The following SENP5 variants were observed in gnomAD, a reference collection of about 807,000 sequenced individuals.
The protein encoded by SENP5 is sentrin-specific protease 5.
SENP5 carries 21 observed loss-of-function variants against 74.2 expected under a neutral mutation model. That is an observed-to-expected ratio of 0.28 (90% CI 0.20 to 0.41). The LOEUF (loss-of-function observed/expected upper bound fraction) is 0.41, where lower values mean the gene tolerates loss of function less well. Ranked by LOEUF, SENP5 falls within the 10% of genes least tolerant of loss-of-function variation. SENP5 has a pLI of 1.00. For synonymous variants in SENP5, 311 were observed against 312.7 expected (o/e 0.99, Z 0.06); for missense variants, 717 against 889.1 (o/e 0.81, Z 2.46).
intron 1 of SENP5, among the ~76,000 whole-genome samples, chr3:196,884,664 G>GTTTTTTTT (rs199659730): frequency 1.6e-5 from 2 of 121,402 alleles, no homozygotes; most frequent in African/African-American, 3.7e-5. Flanking sequence ...ACAGAAATCA[G>GTTTTTTTT]TTTTTTTTTG....
chr3:196,926,893 C>G (rs549109146), intron 7 of SENP5, among the ~76,000 whole-genome samples: 5 of 152,240 alleles, frequency 3.3e-5, no homozygotes, highest in African/African-American at 1.2e-4. Flanking sequence ...ATCCACCTGC[C>G]TCAGCCACCC....
Position 196,934,260 on chromosome 3 carries a change from A to T in SENP5, c.*3337A>T, listed in dbSNP as rs970646630. 1 of 152,200 alleles carries T rather than the reference A, an allele frequency of 6.6e-6. No homozygotes were observed. Among genetic ancestry groups the T allele is most frequent in the African/African-American group, 2.4e-5 (1 of 41,448 alleles). The allele number at this position is 152,200 out of a possible 1,614,324, so 9.4% of individuals were successfully genotyped here. A position where few individuals can be genotyped will look rare whatever the true frequency, so the allele number is the denominator to read the frequency against. On this transcript the variant is annotated 3_prime_UTR_variant, in exon 10 of 10. Transcript: ENST00000323460. The stretch of plus-strand genomic sequence containing the variant: ...TATAGTTGGAACAGAACAGTAACAG[A>T]CCTAACTGGGACTCAGCCAGCACTA...
intron 6 of SENP5, among the ~76,000 whole-genome samples, chr3:196,921,010 G>A (rs1276125667): frequency 6.6e-6 from 1 of 152,224 alleles, no homozygotes; most frequent in East Asian, 1.9e-4. Flanking sequence ...ATTGGGGTCA[G>A]TGATACAATC....
intron 1 of SENP5, among the ~76,000 whole-genome samples, chr3:196,881,614 T>C (rs1379551605): frequency 6.6e-6 from 1 of 152,180 alleles, no homozygotes; most frequent in African/African-American, 2.4e-5. Context: ...TAGGCTTTTT[T>C]TCAGTTATCT....
At chr3:196,918,100 A>G (rs1206413274) in intron 6 of SENP5, among the ~76,000 whole-genome samples, 1 of 149,052 alleles carries the variant, frequency 6.7e-6, no homozygotes, top group Non-Finnish European at 1.5e-5. Flanking sequence ...ACGAGGTCAG[A>G]TCGAGACCAT....
chr3:196,899,388 G>A (rs1714600240), intron 2 of SENP5, among the ~76,000 whole-genome samples: 2 of 112,966 alleles, frequency 1.8e-5, no homozygotes, highest in Non-Finnish European at 4.1e-5. Flanking sequence ...TTTCCTTCTA[G>A]CTATCCATTC....
chr3:196,930,677 G>A (rs1388095966), intron 9 of SENP5, 136 bp from the exon 10 acceptor site: 8 of 634,278 alleles, frequency 1.3e-5, no homozygotes, highest in Middle Eastern at 4.1e-4. Flanking sequence ...TGCCTTACAC[G>A]TAACCAGTCC....
chr3:196,893,522 C>T (rs1388596861), intron 2 of SENP5, among the ~76,000 whole-genome samples: 1 of 151,922 alleles, frequency 6.6e-6, no homozygotes, highest in Non-Finnish European at 1.5e-5. Flanking sequence ...AATAAATGGC[C>T]ATCAGTAGGG....
intron 1 of SENP5, among the ~76,000 whole-genome samples, chr3:196,873,583 G>A (rs1466043259): frequency 6.6e-6 from 1 of 151,776 alleles, no homozygotes; most frequent in Non-Finnish European, 1.5e-5. Context: ...GCTCACGCCT[G>A]TAATCCCAGC....
chr3:196,900,879 C>T lies in SENP5; in HGVS notation c.1806+467C>T, dbSNP rs532674086. 7.1e-4 allele frequency among the ~76,000 whole-genome samples: 108 copies of T among 151,404 alleles called. 1 individual carries two copies. In the South Asian group the frequency reaches 0.012, roughly 16 times the overall value. On this transcript the variant is annotated intron_variant, in intron 5 of 9. Transcript: ENST00000323460. ...CTGGGATTACAGGTGTGAGCCACAG[C>T]GCCTGGCCCCATCAAATCACTTCAG...
At chr3:196,869,868 A>G (rs1713135586) in intron 1 of SENP5, among the ~76,000 whole-genome samples, 1 of 128,402 alleles carries the variant, frequency 7.8e-6, no homozygotes, top group African/African-American at 3.0e-5. Flanking sequence ...TTGGTAGGCC[A>G]TTATGTGAAT....
chr3:196,917,870 C>A (rs1399134013), intron 6 of SENP5, among the ~76,000 whole-genome samples: 1 of 152,094 alleles, frequency 6.6e-6, no homozygotes, highest in African/African-American at 2.4e-5. Flanking sequence ...TCCAAAGGTA[C>A]AAAACTCACT....
intron 2 of SENP5, among the ~76,000 whole-genome samples, chr3:196,898,607 T>C (rs1206665956): frequency 6.6e-6 from 1 of 151,870 alleles, no homozygotes; most frequent in Non-Finnish European, 1.5e-5. Context: ...AAAAATTCTA[T>C]TTACTGTCTT....
chr3:196,872,702 A>G (rs1713269975), intron 1 of SENP5, among the ~76,000 whole-genome samples: 1 of 152,216 alleles, frequency 6.6e-6, no homozygotes, highest in South Asian at 2.1e-4. Context: ...TAGCAGCCTA[A>G]ATCTAAATAA....
rs79425613 is a variant in SENP5 at position 196,910,873 on chromosome 3, G to A, written c.1884+7263G>A. Reference sequence around the variant, plus strand: ...CAACGTGGTATTGGTACCAAAACAGGCATATAGACCAATGGAACAGAACAG... The same window carrying A: ...CAACGTGGTATTGGTACCAAAACAGACATATAGACCAATGGAACAGAACAG... On this transcript the variant is annotated intron_variant, in intron 6 of 9. Coordinates refer to ENST00000323460, the MANE Select transcript of SENP5 (RefSeq NM_152699.5). 1.7e-3 allele frequency among the ~76,000 whole-genome samples: 256 copies of A among 152,164 alleles called. 5 individuals carry two copies. In the East Asian group the frequency reaches 0.046, roughly 27 times the overall value.
chr3:196,880,829 C>T (rs1379498911), intron 1 of SENP5, among the ~76,000 whole-genome samples: 1 of 151,856 alleles, frequency 6.6e-6, no homozygotes, highest in African/African-American at 2.4e-5. Flanking sequence ...TTAGTAGAGA[C>T]AGGGTTTCAC....
At chr3:196,918,712 A>T (rs1350967697) in intron 6 of SENP5, among the ~76,000 whole-genome samples, 4 of 152,182 alleles carry the variant, frequency 2.6e-5, no homozygotes, top group African/African-American at 9.7e-5. Context: ...CAAAAGACAC[A>T]GATTGGCTGA....
At chr3:196,919,406 T>C (rs1460253293) in intron 6 of SENP5, among the ~76,000 whole-genome samples, 1 of 152,156 alleles carries the variant, frequency 6.6e-6, no homozygotes, top group African/African-American at 2.4e-5. Flanking sequence ...GCTTGAACCC[T>C]AGCAGCGGAG....
chr3:196,928,810 C>G (rs1161030462), intron 8 of SENP5, among the ~76,000 whole-genome samples: 2 of 152,060 alleles, frequency 1.3e-5, no homozygotes, highest in African/African-American at 2.4e-5. Flanking sequence ...CTGAATTTAC[C>G]CAACTAAAAA....
Sources: gnomAD v4.1 joint callset for allele counts (sites outside exome capture counted in the v4.1 genomes callset) on GRCh38, gnomAD v4.1.1 for gene constraint, MANE v1.5 for transcripts, NCBI Gene and HGNC (gene_info 2026-07-23, HGNC 2026-07-21) for gene names.